The following UBE2Q2 variants were observed in gnomAD, a reference collection of about 807,000 sequenced individuals.
UBE2Q2 encodes the protein ubiquitin-conjugating enzyme E2 Q2.
Under a neutral mutation model 59.9 loss-of-function variants are expected in UBE2Q2, and 54 were observed. The ratio of observed to expected loss-of-function variants is 0.90; its 90% CI spans 0.72 to 1.13. UBE2Q2 has a LOEUF of 1.13. Among genes scored for constraint, UBE2Q2 ranks in the 50% most tolerant of loss-of-function variants. The pLI is 0.00. For synonymous variants in UBE2Q2, 165 were observed against 155.2 expected (o/e 1.06, Z -0.47); for missense variants, 433 against 441.9 (o/e 0.98, Z 0.18).
intron 12 of UBE2Q2, 134 bp downstream of exon 12, chr15:75,897,195 G>T (rs538069291): frequency 2.9e-6 from 1 of 342,686 alleles, no homozygotes; most frequent in African/African-American, 2.1e-5. Flanking sequence ...AACTTGTGCT[G>T]CATACAAAAT....
At chr15:75,877,119 C>T (rs1464698881) in intron 6 of UBE2Q2, among the ~76,000 whole-genome samples, 1 of 141,610 alleles carries the variant, frequency 7.1e-6, no homozygotes, top group Non-Finnish European at 1.5e-5. Flanking sequence ...CAAGATTGCA[C>T]CACCGCACTC....
At position 75,876,236 on chromosome 15, in the gene UBE2Q2, T is replaced by A; in HGVS notation, c.638T>A (p.Leu213His). 1 of 1,613,992 alleles carries A rather than the reference T, an allele frequency of 6.2e-7. No individual in the cohort carries two copies. The highest frequency in any genetic ancestry group is 8.5e-7 in the Non-Finnish European group (1 of 1,179,920). Residue 213 changes from leucine (L) to histidine (H), a missense_variant, in exon 6 of 13, where the codon CTC becomes CAC. Coordinates refer to ENST00000267938, the MANE Select transcript of UBE2Q2 (RefSeq NM_173469.4). ...GCTTCAGATAGACTTATGAAAGAGC[T>A]CAGGGACATATACAGATCACAGAGT... Reference protein sequence around the residue: ...VQASDRLMKELRDIYRSQSYK... With the variant: ...VQASDRLMKEHRDIYRSQSYK...
At position 75,900,282 on chromosome 15, in the gene UBE2Q2, T is replaced by C. The variant is rs1899681858; in HGVS notation, c.*824T>C. The C allele has an allele frequency of 6.6e-6, 1 of 152,322 alleles. No homozygotes were observed. The highest frequency in any genetic ancestry group is 2.1e-4 in the South Asian group (1 of 4,834). 9.4% of individuals were successfully genotyped at this position (152,322 alleles called of 1,614,324 possible). A position where few individuals can be genotyped will look rare whatever the true frequency, so the allele number is the denominator to read the frequency against. ...AATCGTTTGTAAACTAATAAACTTA[T>C]AAAGTGATTGGCACAAAGACTCCTT... On this transcript the variant is annotated 3_prime_UTR_variant, in exon 13 of 13. Coordinates refer to ENST00000267938, the MANE Select transcript of UBE2Q2 (RefSeq NM_173469.4).
Position 75,878,021 on chromosome 15 carries a change from A to C in UBE2Q2, c.734A>C (p.Lys245Thr). 1 of 1,613,756 alleles carries C rather than the reference A, an allele frequency of 6.2e-7. No homozygotes were observed. Among genetic ancestry groups the C allele is most frequent in the Non-Finnish European group, 8.5e-7 (1 of 1,179,832 alleles). ...SLYDWHVKLQ[K>T]VDPDSPLHSD... ...TATGACTGGCATGTTAAACTGCAGA[A>C]GTAAGTGGCTTTTTAATGCTCACCC... Residue 245 changes from lysine (K) to threonine (T), a missense_variant and splice_region_variant, in exon 7 of 13, where the codon AAG becomes ACG. Lys to Thr is a moderately conservative substitution (Grantham distance 78, BLOSUM62 -1). Coordinates refer to ENST00000267938, the MANE Select transcript of UBE2Q2 (RefSeq NM_173469.4).
At chr15:75,854,986 C>T (rs1896826832) in intron 2 of UBE2Q2, among the ~76,000 whole-genome samples, 1 of 151,942 alleles carries the variant, frequency 6.6e-6, no homozygotes, top group African/African-American at 2.4e-5. Flanking sequence ...TTATAAAACT[C>T]ATGAGCAAGC....
At chr15:75,868,848 T>C in intron 3 of UBE2Q2, 103 bp from the exon 4 acceptor site, 1 of 902,282 alleles carries the variant, frequency 1.1e-6, no homozygotes, top group Non-Finnish European at 1.8e-6. Flanking sequence ...GTAGTGGGAC[T>C]CCAGTGACAG....
Position 75,888,402 on chromosome 15 carries a change from G to A in UBE2Q2, c.885-2033G>A, listed in dbSNP as rs1486693042. Reference sequence around the variant, plus strand: ...ACAGTGATTTTTAAATCAAATATCTGAAGAGGCTAAGCTTAGGATAGTGTT... The same window carrying A: ...ACAGTGATTTTTAAATCAAATATCTAAAGAGGCTAAGCTTAGGATAGTGTT... On this transcript the variant is annotated intron_variant, in intron 9 of 12. Transcript: ENST00000267938. Among the ~76,000 whole-genome samples the A allele has an allele frequency of 2.6e-5, 4 of 152,166 alleles. No homozygotes were observed. In the East Asian group the frequency reaches 7.7e-4, roughly 29 times the overall value.
intron 3 of UBE2Q2, among the ~76,000 whole-genome samples, chr15:75,863,497 G>A (rs1897297073): frequency 6.6e-6 from 1 of 151,146 alleles, no homozygotes; most frequent in Non-Finnish European, 1.5e-5. Context: ...AGGGTGGAGT[G>A]CAGTGGCGCG....
intron 12 of UBE2Q2, among the ~76,000 whole-genome samples, 158 bp from the exon 13 acceptor site, chr15:75,899,269 T>C (rs1899618567): frequency 6.7e-6 from 1 of 150,060 alleles, no homozygotes; most frequent in African/African-American, 2.4e-5. Context: ...AGTGAAACTC[T>C]GTCTCAAAAA....
chr15:75,867,789 G>A (rs1289344084), intron 3 of UBE2Q2, among the ~76,000 whole-genome samples: 1 of 152,128 alleles, frequency 6.6e-6, no homozygotes, highest in African/African-American at 2.4e-5. Flanking sequence ...TTTCGAAAAT[G>A]CTCTTTCAAT....
chr15:75,887,709 C>T (rs536020580), intron 9 of UBE2Q2, among the ~76,000 whole-genome samples: 1 of 152,118 alleles, frequency 6.6e-6, no homozygotes, highest in East Asian at 1.9e-4. Context: ...GAATATGAGA[C>T]ACATTGTGCT....
At chr15:75,844,764 C>T (rs542939615) in intron 1 of UBE2Q2, among the ~76,000 whole-genome samples, 16 of 152,116 alleles carry the variant, frequency 1.1e-4, no homozygotes, top group Admixed American at 9.8e-4. Flanking sequence ...GCAGAATATT[C>T]TCTTGGTTAT....
chr15:75,899,302 TA>T (rs1221647497), intron 12 of UBE2Q2, 124 bp from the exon 13 acceptor site: 52 of 304,236 alleles, frequency 1.7e-4, no homozygotes, highest in South Asian at 2.4e-4. Context: ...TATATATATA[TA>T]TTTTTTACGG....
chr15:75,849,764 T>C (rs1452880606), intron 1 of UBE2Q2, among the ~76,000 whole-genome samples: 2 of 152,196 alleles, frequency 1.3e-5, no homozygotes, highest in Non-Finnish European at 2.9e-5. Context: ...AGGACCTGAG[T>C]AATTAGATGC....
chr15:75,866,335 C>CA (rs747172347), intron 3 of UBE2Q2, among the ~76,000 whole-genome samples: 175 of 152,128 alleles, frequency 1.2e-3, no homozygotes, highest in Non-Finnish European at 2.2e-3. Context: ...TGCCACCGTG[C>CA]ATGGCTACTT....
Position 75,847,283 on chromosome 15 carries a change from G to C in UBE2Q2, c.180+3437G>C, listed in dbSNP as rs546065014. On this transcript the variant is annotated intron_variant, in intron 1 of 12. Transcript: ENST00000267938. ...GTTAACTGCTAAGAATTTGTCAAAA[G>C]TGCAGAGATAACATCAATAACTTGT... 3.3e-5 allele frequency among the ~76,000 whole-genome samples: 5 copies of C among 152,274 alleles called. No homozygotes were observed. The South Asian group carries it at 1.0e-3, about 32-fold the overall frequency.
intron 1 of UBE2Q2, among the ~76,000 whole-genome samples, chr15:75,846,593 G>A (rs1032309984): frequency 6.6e-6 from 1 of 152,160 alleles, no homozygotes; most frequent in African/African-American, 2.4e-5. Context: ...CATTTGCTTA[G>A]AAGGGAAAGA....
At position 75,899,527 on chromosome 15, in the gene UBE2Q2, G is replaced by A. The variant is rs754984328; in HGVS notation, c.*69G>A. On this transcript the variant is annotated 3_prime_UTR_variant, in exon 13 of 13. Transcript: ENST00000267938. ...AAATCTTTCTAACATGCAGACAAAA[G>A]CTTTGAGTGCCCCTATTACAGCAGT... is the stretch of plus-strand genomic sequence containing the variant. 3.0e-6 allele frequency: 4 copies of A among 1,322,642 alleles called. No homozygotes were observed. The South Asian group carries it at 3.9e-5, about 13-fold the overall frequency. 81.9% of individuals were successfully genotyped at this position (1,322,642 alleles called of 1,614,324 possible).
chr15:75,858,478 C>T (rs1033668030), intron 2 of UBE2Q2, among the ~76,000 whole-genome samples: 2 of 152,050 alleles, frequency 1.3e-5, no homozygotes, highest in Non-Finnish European at 2.9e-5. Context: ...TCTCTGACCC[C>T]CGCCCCCCGC....
Sources: allele counts gnomAD v4.1 joint callset (sites outside exome capture counted in the v4.1 genomes callset), GRCh38; gene constraint gnomAD v4.1.1; transcripts MANE v1.5; gene names NCBI Gene and HGNC (gene_info 2026-07-23, HGNC 2026-07-21).